ASXL3: variants seen among roughly 807,000 people sequenced by gnomAD.
The protein encoded by ASXL3 is putative Polycomb group protein ASXL3.
Under a neutral mutation model 170.6 loss-of-function variants are expected in ASXL3, and 34 were observed. That is an observed-to-expected ratio of 0.20 (90% CI 0.15 to 0.27). ASXL3 has a LOEUF of 0.27. Among genes scored for constraint, ASXL3 ranks in the 10% least tolerant of loss-of-function variants. The probability of loss-of-function intolerance (pLI) is 1.00; values close to 1 mark genes in which losing one functional copy is unlikely to be tolerated. For missense variants in ASXL3, 2,592 were observed against 2,695.3 expected, an observed-to-expected ratio of 0.96 and a Z score of 0.85; for synonymous variants, 1,002 against 989.1, an observed-to-expected ratio of 1.01 and a Z score of -0.24.
chr18:33,619,612 A>G (rs576650251), intron 2 of ASXL3, among the ~76,000 whole-genome samples: 1 of 152,132 alleles, frequency 6.6e-6, no homozygotes, highest in East Asian at 1.9e-4. Context: ...TTGTTTTTAG[A>G]AGATGGTGCT....
At chr18:33,582,483 T>A (rs2065001873) in intron 1 of ASXL3, among the ~76,000 whole-genome samples, 1 of 152,220 alleles carries the variant, frequency 6.6e-6, no homozygotes, top group African/African-American at 2.4e-5. Flanking sequence ...CACTTTGTTC[T>A]ATAGGGAATG....
At chr18:33,581,121 C>A (rs2064988062) in intron 1 of ASXL3, among the ~76,000 whole-genome samples, 1 of 151,930 alleles carries the variant, frequency 6.6e-6, no homozygotes, top group East Asian at 1.9e-4. Context: ...GACTTGAATT[C>A]TCTTCTAAAC....
intron 5 of ASXL3, 106 bp downstream of exon 5, chr18:33,661,843 C>A: frequency 1.6e-6 from 2 of 1,260,092 alleles, no homozygotes; most frequent in Non-Finnish European, 2.1e-6. Context: ...AAAGCAGAAT[C>A]TTCCTGAATT....
intron 8 of ASXL3, among the ~76,000 whole-genome samples, chr18:33,703,601 C>G (rs1281554064): frequency 2.6e-5 from 4 of 152,098 alleles, no homozygotes; most frequent in African/African-American, 9.7e-5. Context: ...GCCTCTGCCT[C>G]TCCCATTGAA....
At chr18:33,725,968 T>G (rs2067342997) in intron 8 of ASXL3, among the ~76,000 whole-genome samples, 1 of 152,198 alleles carries the variant, frequency 6.6e-6, no homozygotes, top group Non-Finnish European at 1.5e-5. Flanking sequence ...CCGCTTGCTC[T>G]TGATGCTAGT....
chr18:33,734,128 A>T (rs2067503675), intron 9 of ASXL3, among the ~76,000 whole-genome samples, 182 bp from the exon 10 acceptor site: 1 of 151,380 alleles, frequency 6.6e-6, no homozygotes, highest in African/African-American at 2.4e-5. Context: ...ATTTAGCTTT[A>T]GCATTTTTAT....
At chr18:33,713,075 G>T (rs1484637022) in intron 8 of ASXL3, among the ~76,000 whole-genome samples, 3 of 151,820 alleles carry the variant, frequency 2.0e-5, no homozygotes, top group Non-Finnish European at 2.9e-5. Context: ...TGAGAAGTTG[G>T]ACACAGCCAC....
chr18:33,581,097 C>T (rs922748286), intron 1 of ASXL3, among the ~76,000 whole-genome samples: 16 of 151,948 alleles, frequency 1.1e-4, no homozygotes, highest in Non-Finnish European at 1.5e-4. Flanking sequence ...TTTATGATTA[C>T]GTGAATACAT....
At position 33,621,066 on chromosome 18, in the gene ASXL3, A is replaced by T. The variant is rs58629079; in HGVS notation, c.137+13390A>T. Among the ~76,000 whole-genome samples, 1,429 of 152,238 alleles carry T rather than the reference A, an allele frequency of 9.4e-3. 23 individuals are homozygous for T. The highest frequency in any genetic ancestry group is 0.033 in the African/African-American group (1,367 of 41,556). ...AAACAGATCATTCAAAACAGCCCCTACCACATTAGGATGCAAACTAAGACA... is the reference window on the plus strand; with the variant it reads ...AAACAGATCATTCAAAACAGCCCCTTCCACATTAGGATGCAAACTAAGACA... On this transcript the variant is annotated intron_variant, in intron 2 of 11. Transcript: ENST00000269197.
intron 2 of ASXL3, among the ~76,000 whole-genome samples, chr18:33,622,576 T>C (rs559423056): frequency 3.3e-5 from 5 of 152,244 alleles, no homozygotes; most frequent in African/African-American, 1.2e-4. Context: ...CATGTTGCAG[T>C]CTGAAGGTGG....
At chr18:33,603,617 T>A (rs569403759) in intron 1 of ASXL3, among the ~76,000 whole-genome samples, 47 of 152,102 alleles carry the variant, frequency 3.1e-4, no homozygotes, top group South Asian at 2.1e-3. Context: ...GAAAAATAGA[T>A]CCACCACTAG....
chr18:33,737,532 A>T (rs920565387), intron 10 of ASXL3, among the ~76,000 whole-genome samples: 1 of 152,170 alleles, frequency 6.6e-6, no homozygotes, highest in Non-Finnish European at 1.5e-5. Context: ...AACTCTGATT[A>T]GATTTGCCTT....
intron 2 of ASXL3, among the ~76,000 whole-genome samples, chr18:33,617,856 C>T (rs1249514093): frequency 6.6e-6 from 1 of 152,092 alleles, no homozygotes; most frequent in Non-Finnish European, 1.5e-5. Flanking sequence ...TGAGTCTTTC[C>T]AAGTATCCTA....
At chr18:33,605,359 A>G (rs368282909) in intron 1 of ASXL3, 2 of 151,952 alleles carry the variant, frequency 1.3e-5, no homozygotes, top group African/African-American at 4.8e-5. Flanking sequence ...TTGTTCTATT[A>G]ATGTTTACAC....
chr18:33,749,991 C>T lies in ASXL3; in HGVS notation c.*3396C>T, dbSNP rs949980475. On this transcript the variant is annotated 3_prime_UTR_variant, in exon 12 of 12. Coordinates refer to ENST00000269197, the MANE Select transcript of ASXL3 (RefSeq NM_030632.3). ...TTTCAAAAGTGGAAGTTACCGTGGCCTCTGGTTTCCCAGTTCCTCCGTGGT... is the reference window on the plus strand; with the variant it reads ...TTTCAAAAGTGGAAGTTACCGTGGCTTCTGGTTTCCCAGTTCCTCCGTGGT... 1 of 152,448 alleles carries T rather than the reference C, an allele frequency of 6.6e-6. No homozygotes were observed. The highest frequency in any genetic ancestry group is 2.4e-5 in the African/African-American group (1 of 41,578). The allele number at this position is 152,448 out of a possible 1,614,324, so 9.4% of individuals were successfully genotyped here.
intron 7 of ASXL3, among the ~76,000 whole-genome samples, chr18:33,678,767 A>G (rs975510372): frequency 1.3e-5 from 2 of 152,206 alleles, no homozygotes; most frequent in African/African-American, 2.4e-5. Flanking sequence ...TAAGACAATC[A>G]TATATAATTG....
Position 33,744,763 on chromosome 18 carries a change from C to A in ASXL3, c.4915C>A (p.Pro1639Thr). 1 of 1,614,026 alleles carries A rather than the reference C, an allele frequency of 6.2e-7. No individual in the cohort carries two copies. The highest frequency in any genetic ancestry group is 8.5e-7 in the Non-Finnish European group (1 of 1,179,900). Residue 1639 changes from proline to threonine, a missense_variant, in exon 12 of 12, where the codon CCA becomes ACA. Coordinates refer to ENST00000269197, the MANE Select transcript of ASXL3 (RefSeq NM_030632.3). ...KQKEYLEQSC[P>T]KAIKTEHANY... ...AAAAGAATATCTAGAGCAAAGCTGT[C>A]CAAAGGCTATCAAAACTGAACATGC...
intron 1 of ASXL3, among the ~76,000 whole-genome samples, chr18:33,585,619 G>A (rs1026921836): frequency 3.3e-5 from 5 of 152,148 alleles, no homozygotes; most frequent in Non-Finnish European, 2.9e-5. Flanking sequence ...ACATTCTTAC[G>A]TAGTTTTAAG....
intron 5 of ASXL3, 22 bp downstream of exon 5, chr18:33,661,759 C>A (rs765683298): frequency 1.2e-6 from 2 of 1,608,298 alleles, no homozygotes; most frequent in Non-Finnish European, 1.7e-6. Flanking sequence ...GCCATTTATT[C>A]TTTGTCCTTC....
Sources: allele counts gnomAD v4.1 joint callset (sites outside exome capture counted in the v4.1 genomes callset), GRCh38; gene constraint gnomAD v4.1.1; transcripts MANE v1.5; gene names NCBI Gene and HGNC (gene_info 2026-07-23, HGNC 2026-07-21).